The following PHLPP2 variants were observed in gnomAD, a reference collection of about 807,000 sequenced individuals.
The protein encoded by PHLPP2 is PH domain leucine-rich repeat-containing protein phosphatase 2.
Under a neutral mutation model 124.9 loss-of-function variants are expected in PHLPP2, and 66 were observed. That is an observed-to-expected ratio of 0.53 (90% CI 0.43 to 0.65). PHLPP2 has a LOEUF of 0.65. Among genes scored for constraint, PHLPP2 ranks in the 30% least tolerant of loss-of-function variants. PHLPP2 has a pLI of 0.00. For synonymous variants in PHLPP2, 681 were observed against 624.7 expected (o/e 1.09, Z -1.34); for missense variants, 1,685 against 1,600.4 (o/e 1.05, Z -0.90).
chr16:71,706,957 T>C (rs1227410952), intron 2 of PHLPP2, among the ~76,000 whole-genome samples: 2 of 133,162 alleles, frequency 1.5e-5, no homozygotes, highest in Admixed American at 1.5e-4. Context: ...TTTTTTTTTT[T>C]TTTTTTTTTT....
At position 71,663,966 on chromosome 16, in the gene PHLPP2, G is replaced by A. The variant is rs375738138; in HGVS notation, c.1918C>T (p.Leu640=). The change falls in exon 13 of 19, where the codon CTG becomes TTG. Residue 640 remains leucine (L), a synonymous_variant. Transcript: ENST00000568954. ...NLLTDQCIPV[L]VGHLHLRILH... is the part of the protein sequence containing the mutation. ...ATTCGCAGGTGCAGGTGCCCTACCA[G>A]GACAGGTATGCACTGATCCGTCAGG... The A allele has an allele frequency of 2.9e-5, 46 of 1,613,888 alleles. No individual in the cohort carries two copies. Among genetic ancestry groups the A allele is most frequent in the Non-Finnish European group, 5.9e-6 (7 of 1,179,888 alleles).
At position 71,645,024 on chromosome 16, in the gene PHLPP2, T is replaced by G. The variant is rs2044644015; in HGVS notation, c.*3866A>C. Reference sequence around the variant, plus strand: ...ATTTGCTGCAACATGCTCTGGCTCATATTATTGAATTAAAAAATTTAACAC... The same window carrying G: ...ATTTGCTGCAACATGCTCTGGCTCAGATTATTGAATTAAAAAATTTAACAC... On this transcript the variant is annotated 3_prime_UTR_variant, in exon 19 of 19. Transcript: ENST00000568954. 3.6e-6 allele frequency: 1 copy of G among 281,128 alleles called. No individual in the cohort carries two copies. The highest frequency in any genetic ancestry group is 2.3e-5 in the African/African-American group (1 of 43,936). The allele number at this position is 281,128 out of a possible 1,614,324, so 17.4% of individuals were successfully genotyped here.
At chr16:71,669,567 C>G (rs1399724607) in intron 10 of PHLPP2, among the ~76,000 whole-genome samples, 197 bp from the exon 11 acceptor site, 1 of 152,142 alleles carries the variant, frequency 6.6e-6, no homozygotes, top group African/African-American at 2.4e-5. Flanking sequence ...AGAGGAGAGA[C>G]AAGTACCTGA....
At position 71,723,727 on chromosome 16, in the gene PHLPP2, G is replaced by A. The variant is rs1000597480; in HGVS notation, c.-7+602C>T. ...CGTTCCCTCCCTAGTCCGCTTGCCC[G>A]CTCGCCCGCTCGCTCGCTCGCTGGT... On this transcript the variant is annotated intron_variant, in intron 1 of 18. Transcript: ENST00000568954. 10 of 995,846 alleles carry A rather than the reference G, an allele frequency of 1.0e-5. No individual in the cohort carries two copies. In the Admixed American group the frequency reaches 1.1e-4, roughly 11 times the overall value. 61.7% of individuals were successfully genotyped at this position (995,846 alleles called of 1,614,324 possible).
At chr16:71,716,018 T>C (rs1479931162) in intron 1 of PHLPP2, among the ~76,000 whole-genome samples, 3 of 151,838 alleles carry the variant, frequency 2.0e-5, no homozygotes, top group Non-Finnish European at 2.9e-5. Flanking sequence ...CTTTAATCTA[T>C]AAACCATACA....
chr16:71,704,307 C>CAAAAAAAAAAAAAAAAAAA (rs56882820), intron 2 of PHLPP2, among the ~76,000 whole-genome samples: 5 of 98,744 alleles, frequency 5.1e-5, no homozygotes, highest in African/African-American at 2.1e-4. Context: ...GACTCTGTCT[C>CAAAAAAAAAAAAAAAAAAA]AAAAAAAAAA....
chr16:71,647,759 G>A lies in PHLPP2; in HGVS notation c.*1131C>T, dbSNP rs893132888. The stretch of plus-strand genomic sequence containing the variant: ...GGTAATTCTCTTTTTCTGATCTAGG[G>A]AGAAGTAGTCTAGGTCCTCACGCCT... On this transcript the variant is annotated 3_prime_UTR_variant, in exon 19 of 19. Transcript: ENST00000568954. 3.9e-5 allele frequency: 6 copies of A among 152,144 alleles called. No homozygotes were observed. Among genetic ancestry groups the A allele is most frequent in the Non-Finnish European group, 1.5e-5 (1 of 68,028 alleles). 9.4% of individuals were successfully genotyped at this position (152,144 alleles called of 1,614,324 possible). A position where few individuals can be genotyped will look rare whatever the true frequency, so the allele number is the denominator to read the frequency against.
At chr16:71,674,322 G>C (rs1161600447) in intron 9 of PHLPP2, among the ~76,000 whole-genome samples, 1 of 151,116 alleles carries the variant, frequency 6.6e-6, no homozygotes, top group Non-Finnish European at 1.5e-5. Context: ...CAGGTGATCT[G>C]CCCACCTAGG....
chr16:71,709,930 C>T (rs376193388), intron 2 of PHLPP2, among the ~76,000 whole-genome samples: 1 of 152,114 alleles, frequency 6.6e-6, no homozygotes, highest in African/African-American at 2.4e-5. Flanking sequence ...GCCTCCCAGG[C>T]TCAAGCGATT....
Position 71,679,594 on chromosome 16 carries a change from A to T in PHLPP2, c.891-59T>A, listed in dbSNP as rs560769248. 3.5e-5 allele frequency: 50 copies of T among 1,422,078 alleles called. No individual in the cohort carries two copies. The South Asian group carries it at 5.2e-4, about 15-fold the overall frequency. The allele number at this position is 1,422,078 out of a possible 1,614,324, so 88.1% of individuals were successfully genotyped here. On this transcript the variant is annotated intron_variant, in intron 6 of 18. Transcript: ENST00000568954. ...TCAATACATCTATTACTGTATCTTT[A>T]CAAGGGACATCAACGGCCTTTGATA...
In PHLPP2 at chr16:71,667,276, G is replaced by T. The variant is rs1323224646; in HGVS notation, c.1686C>A (p.Asn562Lys). 1 of 1,613,512 alleles carries T rather than the reference G, an allele frequency of 6.2e-7. No individual in the cohort carries two copies. The highest frequency in any genetic ancestry group is 8.5e-7 in the Non-Finnish European group (1 of 1,179,736). ...KLMLGHNHVQ[N>K]LPTLVEHIPL... Reference sequence around the variant, plus strand: ...GGATGTGCTCTACCAGTGTTGGAAGGTTTTGCACATGATTGTGTCCCAGCA... The same window carrying T: ...GGATGTGCTCTACCAGTGTTGGAAGTTTTTGCACATGATTGTGTCCCAGCA... The change falls in exon 12 of 19, where the codon AAC becomes AAA. Residue 562 changes from asparagine (N) to lysine (K), a missense_variant. Coordinates refer to ENST00000568954, the MANE Select transcript of PHLPP2 (RefSeq NM_015020.3).
chr16:71,674,458 A>T (rs1164756712), intron 9 of PHLPP2, among the ~76,000 whole-genome samples: 1 of 150,662 alleles, frequency 6.6e-6, no homozygotes, highest in Admixed American at 6.7e-5. Context: ...GGTTTTCATC[A>T]CTCTCATGTA....
At chr16:71,679,368 A>C (rs2044975781) in intron 7 of PHLPP2, 21 bp downstream of exon 7, 2 of 1,608,140 alleles carry the variant, frequency 1.2e-6, no homozygotes, top group Non-Finnish European at 8.5e-7. Context: ...GGAAAAGAGG[A>C]ATCTAGTAAA....
rs370675560 is a variant in PHLPP2, at chr16:71,714,735, T to C, written c.61A>G (p.Arg21Gly). ...NRRSRFGSRERDWLREDVKRG... is the reference protein window; with the variant it reads ...NRRSRFGSREGDWLREDVKRG... ...TTTACATCTTCTCTTAGCCAGTCTC[T>C]TTCTCGAGAACCAAACCTACTTCTC... Residue 21 changes from arginine to glycine, a missense_variant, in exon 2 of 19, where the codon AGA (arginine) becomes GGA (glycine). Coordinates refer to ENST00000568954, the MANE Select transcript of PHLPP2 (RefSeq NM_015020.3). The C allele has an allele frequency of 5.6e-6, 9 of 1,614,196 alleles. No individual in the cohort carries two copies. The highest frequency in any genetic ancestry group is 1.7e-5 in the Admixed American group (1 of 60,024).
chr16:71,652,376 C>T (rs1211184768), intron 18 of PHLPP2, among the ~76,000 whole-genome samples: 1 of 152,126 alleles, frequency 6.6e-6, no homozygotes, highest in Non-Finnish European at 1.5e-5. Context: ...AAGAGAACAC[C>T]AGAGCATACT....
chr16:71,701,316 A>C (rs150548536), intron 3 of PHLPP2, among the ~76,000 whole-genome samples: 16 of 27,630 alleles, frequency 5.8e-4, no homozygotes, highest in Admixed American at 5.5e-4. Context: ...ATCTATCTAT[A>C]TATCTATCTA....
chr16:71,694,509 A>AT (rs1386988438), intron 3 of PHLPP2, among the ~76,000 whole-genome samples: 1 of 152,164 alleles, frequency 6.6e-6, no homozygotes, highest in East Asian at 1.9e-4. Flanking sequence ...CTAAATAAAA[A>AT]TTTTAAACTT....
intron 13 of PHLPP2, among the ~76,000 whole-genome samples, chr16:71,663,049 AGT>A (rs984018326): frequency 2.5e-4 from 38 of 152,142 alleles, no homozygotes; most frequent in African/African-American, 8.2e-4. Context: ...GGCTCTGTGC[AGT>A]GTGACCGGCA....
intron 6 of PHLPP2, among the ~76,000 whole-genome samples, chr16:71,680,703 C>G (rs370310375): frequency 3.5e-4 from 54 of 152,320 alleles, no homozygotes; most frequent in African/African-American, 1.2e-3. Context: ...TGGTACCTCA[C>G]TGTAACGCTT....
Sources: gnomAD v4.1 joint callset for allele counts (sites outside exome capture counted in the v4.1 genomes callset) on GRCh38, gnomAD v4.1.1 for gene constraint, MANE v1.5 for transcripts, NCBI Gene and HGNC (gene_info 2026-07-23, HGNC 2026-07-21) for gene names.